The following HEPHL1 variants were observed in gnomAD, a reference collection of about 807,000 sequenced individuals.
The protein encoded by HEPHL1 is ferroxidase HEPHL1.
Under a neutral mutation model 122.0 loss-of-function variants are expected in HEPHL1, and 123 were observed. The observed-to-expected ratio is 1.01, with a 90% CI of 0.87 to 1.17. The LOEUF (loss-of-function observed/expected upper bound fraction) is 1.17, where lower values mean the gene tolerates loss of function less well. Among genes scored for constraint, HEPHL1 ranks in the 50% most tolerant of loss-of-function variants. HEPHL1 has a pLI of 0.00. For synonymous variants in HEPHL1, 527 were observed against 508.9 expected, an observed-to-expected ratio of 1.04 and a Z score of -0.48; for missense variants, 1,452 against 1,430.5, an observed-to-expected ratio of 1.01 and a Z score of -0.24.
At chr11:94,092,624 A>G (rs1946271175) in intron 12 of HEPHL1, among the ~76,000 whole-genome samples, 1 of 152,138 alleles carries the variant, frequency 6.6e-6, no homozygotes, top group Non-Finnish European at 1.5e-5. Context: ...CAGTGTCCTC[A>G]GTGTAAGAAG....
chr11:94,084,367 AATAAATAAATAT>A (rs1946199176), intron 10 of HEPHL1, among the ~76,000 whole-genome samples: 2 of 149,852 alleles, frequency 1.3e-5, no homozygotes, highest in African/African-American at 4.9e-5. Flanking sequence ...TAAATAAATA[AATAAATAAATAT>A]ATAAATACAG....
In HEPHL1 at chr11:94,110,995, G is replaced by A. The variant is rs759032916; in HGVS notation, c.3138G>A (p.Leu1046=). The A allele has an allele frequency of 3.1e-6, 5 of 1,611,194 alleles. No individual in the cohort carries two copies. The highest frequency in any genetic ancestry group is 4.2e-6 in the Non-Finnish European group (5 of 1,178,576). Reference sequence around the variant, plus strand: ...TTGCAGATCACCCAGGGACATGGCTGCTACACTGTCATGTGTCTGACCACA... The same window carrying A: ...TTGCAGATCACCCAGGGACATGGCTACTACACTGTCATGTGTCTGACCACA... The part of the protein sequence containing the change: ...ELFADHPGTW[L]LHCHVSDHIH... Residue 1046 remains leucine (L), a synonymous_variant, in exon 18 of 20, where the codon CTG becomes CTA. Coordinates refer to ENST00000315765, the MANE Select transcript of HEPHL1 (RefSeq NM_001098672.2).
chr11:94,044,010 C>A (rs1301732170), intron 1 of HEPHL1, among the ~76,000 whole-genome samples: 1 of 151,796 alleles, frequency 6.6e-6, no homozygotes, highest in East Asian at 1.9e-4. Context: ...GCCTCTTACC[C>A]CCAAAAGGGA....
At chr11:94,073,260 C>T (rs1267892714) in intron 7 of HEPHL1, 48 bp from the exon 8 acceptor site, 2 of 1,607,246 alleles carry the variant, frequency 1.2e-6, no homozygotes, top group Non-Finnish European at 1.7e-6. Flanking sequence ...TTACTTCTTT[C>T]TGTCTCTTTT....
intron 16 of HEPHL1, 22 bp downstream of exon 16, chr11:94,104,772 A>G (rs749837443): frequency 6.4e-7 from 1 of 1,555,194 alleles, no homozygotes; most frequent in South Asian, 1.1e-5. Flanking sequence ...GTTTAAAAAG[A>G]AGCCTATGTT....
At chr11:94,103,789 T>C (rs906646515) in intron 15 of HEPHL1, among the ~76,000 whole-genome samples, 1 of 152,222 alleles carries the variant, frequency 6.6e-6, no homozygotes, top group Non-Finnish European at 1.5e-5. Context: ...CTTGTATTAA[T>C]GTCTTTGAGT....
chr11:94,111,985 C>A lies in HEPHL1; in HGVS notation c.*91C>A. ...GAAACTGGACCAAGGCATCACTCAC[C>A]AAGGAAGGTTGACACTGTATCCTGG... On this transcript the variant is annotated 3_prime_UTR_variant, in exon 20 of 20. Coordinates refer to ENST00000315765, the MANE Select transcript of HEPHL1 (RefSeq NM_001098672.2). The A allele has an allele frequency of 1.1e-6, 1 of 887,236 alleles. No homozygotes were observed. The highest frequency in any genetic ancestry group is 1.7e-6 in the Non-Finnish European group (1 of 599,308). The allele number at this position is 887,236 out of a possible 1,614,324, so 55.0% of individuals were successfully genotyped here. A position where few individuals can be genotyped will look rare whatever the true frequency, so the allele number is the denominator to read the frequency against.
chr11:94,056,673 C>CTATA (rs1233894483), intron 2 of HEPHL1, among the ~76,000 whole-genome samples: 4 of 151,676 alleles, frequency 2.6e-5, no homozygotes, highest in Non-Finnish European at 5.9e-5. Context: ...ATCTATCTAT[C>CTATA]TATCTATCTA....
chr11:94,073,435 A>T lies in HEPHL1; in HGVS notation c.1500A>T (p.Leu500=). The change falls in exon 8 of 20, where the codon CTA becomes CTT. Residue 500 remains leucine (L), a synonymous_variant. Coordinates refer to ENST00000315765, the MANE Select transcript of HEPHL1 (RefSeq NM_001098672.2). ...YDKASDAAPN[L]DGFVKPGAHV... ...AGGCATCTGATGCAGCCCCAAACCT[A>T]GATGGTAAGTCTCACTCTGGGCTTA... 1.9e-6 allele frequency: 3 copies of T among 1,553,026 alleles called. 1 individual carries two copies. The highest frequency in any genetic ancestry group is 2.4e-5 in the South Asian group (2 of 84,156).
chr11:94,049,546 A>C (rs902784602), intron 2 of HEPHL1, among the ~76,000 whole-genome samples: 1 of 151,436 alleles, frequency 6.6e-6, no homozygotes, highest in Non-Finnish European at 1.5e-5. Flanking sequence ...CAGGTGCCAG[A>C]CACTGACTCC....
rs570698738 is a variant in HEPHL1 at position 94,112,093 on chromosome 11, C to T, written c.*199C>T. The stretch of plus-strand genomic sequence containing the variant: ...TTTTAAATGGGCTGCGAATAATCCT[C>T]AGGTATAAAACACAGAAAAAGGAGA... On this transcript the variant is annotated 3_prime_UTR_variant, in exon 20 of 20. Transcript: ENST00000315765. 2.4e-6 allele frequency: 1 copy of T among 410,170 alleles called. No homozygotes were observed. Among genetic ancestry groups the T allele is most frequent in the African/African-American group, 2.0e-5 (1 of 48,894 alleles). The allele number at this position is 410,170 out of a possible 1,614,324, so 25.4% of individuals were successfully genotyped here. A position where few individuals can be genotyped will look rare whatever the true frequency, so the allele number is the denominator to read the frequency against.
rs574578206 is a variant in HEPHL1 at position 94,112,929 on chromosome 11, G to A, written c.*1035G>A. On this transcript the variant is annotated 3_prime_UTR_variant, in exon 20 of 20. Transcript: ENST00000315765. Reference sequence around the variant, plus strand: ...ATTTATCAATGTAGGTGACTAGATAGGAGAAGGGACCTCTAAATATCCTAG... The same window carrying A: ...ATTTATCAATGTAGGTGACTAGATAAGAGAAGGGACCTCTAAATATCCTAG... 1 of 152,090 alleles carries A rather than the reference G, an allele frequency of 6.6e-6. No homozygotes were observed. Among genetic ancestry groups the A allele is most frequent in the African/African-American group, 2.4e-5 (1 of 41,408 alleles). 9.4% of individuals were successfully genotyped at this position (152,090 alleles called of 1,614,324 possible).
At chr11:94,032,395 T>G (rs1413356976) in intron 1 of HEPHL1, among the ~76,000 whole-genome samples, 3 of 152,248 alleles carry the variant, frequency 2.0e-5, no homozygotes, top group Non-Finnish European at 4.4e-5. Context: ...ATACCTCAGC[T>G]GGCTAGACAG....
intron 16 of HEPHL1, among the ~76,000 whole-genome samples, chr11:94,105,477 C>T (rs1186225267): frequency 6.6e-6 from 1 of 152,192 alleles, no homozygotes; most frequent in African/African-American, 2.4e-5. Context: ...GTGGGAGTCA[C>T]CATCATGTAA....
chr11:94,049,647 A>G (rs1945873561), intron 2 of HEPHL1, among the ~76,000 whole-genome samples: 1 of 151,338 alleles, frequency 6.6e-6, no homozygotes, highest in African/African-American at 2.4e-5. Context: ...AATGACCATA[A>G]GTATAAGGAG....
chr11:94,094,846 G>GT (rs1045358443), intron 13 of HEPHL1, among the ~76,000 whole-genome samples: 1 of 152,058 alleles, frequency 6.6e-6, no homozygotes, highest in Non-Finnish European at 1.5e-5. Context: ...TGATAGGGTT[G>GT]TTTTTTTCTT....
intron 12 of HEPHL1, among the ~76,000 whole-genome samples, chr11:94,091,541 G>C (rs762207646): frequency 4.6e-5 from 7 of 152,210 alleles, no homozygotes; most frequent in Non-Finnish European, 7.3e-5. Flanking sequence ...CTATATGCTA[G>C]ACATTGTGCA....
intron 13 of HEPHL1, among the ~76,000 whole-genome samples, chr11:94,099,494 C>G (rs962312892): frequency 2.0e-5 from 3 of 152,206 alleles, no homozygotes; most frequent in Non-Finnish European, 4.4e-5. Flanking sequence ...TGACCATTCT[C>G]AGATCTCAAA....
intron 5 of HEPHL1, among the ~76,000 whole-genome samples, chr11:94,070,038 T>C (rs1235523005): frequency 6.6e-6 from 1 of 152,192 alleles, no homozygotes; most frequent in East Asian, 1.9e-4. Flanking sequence ...TGAGTACTAT[T>C]TGAGTACTGT....
Sources: gnomAD v4.1 joint callset for allele counts (sites outside exome capture counted in the v4.1 genomes callset) on GRCh38, gnomAD v4.1.1 for gene constraint, MANE v1.5 for transcripts, NCBI Gene and HGNC (gene_info 2026-07-23, HGNC 2026-07-21) for gene names.